Variants in KIAA0825 observed in about 807,000 individuals in gnomAD.
KIAA0825 encodes KIAA0825, also known as uncharacterized protein KIAA0825.
KIAA0825 carries 119 observed loss-of-function variants against 147.6 expected under a neutral mutation model. The ratio of observed to expected loss-of-function variants is 0.81; its 90% CI spans 0.69 to 0.94. KIAA0825 has a LOEUF of 0.94. KIAA0825 is among the 40% of genes least tolerant of loss of function. The pLI is 0.00. For synonymous variants in KIAA0825, 470 were observed against 518.1 expected (o/e 0.91, Z 1.26); for missense variants, 1,381 against 1,472.7 (o/e 0.94, Z 1.02).
intron 20 of KIAA0825, among the ~76,000 whole-genome samples, chr5:94,233,987 T>G (rs564699354): frequency 1.3e-5 from 2 of 152,362 alleles, no homozygotes; most frequent in African/African-American, 4.8e-5. Flanking sequence ...GACACCATTT[T>G]TCCAACAGCA....
intron 5 of KIAA0825, among the ~76,000 whole-genome samples, chr5:94,486,518 T>C: frequency 6.6e-6 from 1 of 152,072 alleles, no homozygotes; most frequent in Non-Finnish European, 1.5e-5. Flanking sequence ...GACTGTAAAA[T>C]TTAGTACTGT....
At chr5:94,374,368 G>C (rs751983644) in intron 20 of KIAA0825, among the ~76,000 whole-genome samples, 4 of 152,052 alleles carry the variant, frequency 2.6e-5, no homozygotes, top group Non-Finnish European at 5.9e-5. Context: ...AAGTAATGGA[G>C]ACCTTTATTT....
chr5:94,426,531 G>T (rs1387558060), intron 14 of KIAA0825, among the ~76,000 whole-genome samples: 1 of 152,128 alleles, frequency 6.6e-6, no homozygotes, highest in Non-Finnish European at 1.5e-5. Flanking sequence ...AGAATAAACC[G>T]ATAGAAACCA....
At chr5:94,284,268 G>A (rs1019386640) in intron 20 of KIAA0825, among the ~76,000 whole-genome samples, 4 of 152,060 alleles carry the variant, frequency 2.6e-5, no homozygotes, top group African/African-American at 9.6e-5. Flanking sequence ...TATTAAAGGT[G>A]CCACTTTGAC....
rs190070206 is a variant in KIAA0825, at chr5:94,331,604, T to C, written c.3710+52764A>G. Among the ~76,000 whole-genome samples the C allele has an allele frequency of 2.1e-4, 32 of 152,302 alleles. No individual in the cohort carries two copies. In the East Asian group the frequency reaches 5.2e-3, roughly 25 times the overall value. On this transcript the variant is annotated intron_variant, in intron 20 of 20. Transcript: ENST00000682413. ...GTATTAAAACCAGACGAAGACATTATAAGAAAGCTACATGCAGGTATCTTT... is the reference window on the plus strand; with the variant it reads ...GTATTAAAACCAGACGAAGACATTACAAGAAAGCTACATGCAGGTATCTTT...
At chr5:94,404,632 A>G (rs1196504996) in intron 15 of KIAA0825, among the ~76,000 whole-genome samples, 1 of 152,172 alleles carries the variant, frequency 6.6e-6, no homozygotes, top group African/African-American at 2.4e-5. Flanking sequence ...CCAAAATATT[A>G]ATTCTTCATT....
intron 20 of KIAA0825, among the ~76,000 whole-genome samples, chr5:94,159,541 T>TATCA (rs1166848310): frequency 1.3e-5 from 2 of 152,318 alleles, no homozygotes; most frequent in Admixed American, 1.3e-4. Flanking sequence ...TTATCTTTTC[T>TATCA]ATCAATCAAT....
chr5:94,552,143 CTTCAAG>C (rs149845273), intron 2 of KIAA0825, among the ~76,000 whole-genome samples: 10 of 152,016 alleles, frequency 6.6e-5, no homozygotes, highest in African/African-American at 2.4e-4. Flanking sequence ...GATAAAAATA[CTTCAAG>C]TAAAAACTCT....
rs755186075 is a variant in KIAA0825, at chr5:94,395,988, G to T, written c.3296+113C>A. 77 of 996,256 alleles carry T rather than the reference G, an allele frequency of 7.7e-5. 1 individual carries two copies. Among genetic ancestry groups the T allele is most frequent in the Admixed American group, 2.2e-4 (6 of 27,424 alleles). The allele number at this position is 996,256 out of a possible 1,614,324, so 61.7% of individuals were successfully genotyped here. ...TTTTTATATTCATCAAAGCTGCCATGAATTTAGCAAAATACTACTGCTGCC... is the reference window on the plus strand; with the variant it reads ...TTTTTATATTCATCAAAGCTGCCATTAATTTAGCAAAATACTACTGCTGCC... On this transcript the variant is annotated intron_variant, in intron 17 of 20. Transcript: ENST00000682413.
chr5:94,402,129 C>T (rs531748823), intron 16 of KIAA0825, among the ~76,000 whole-genome samples: 3 of 152,010 alleles, frequency 2.0e-5, no homozygotes, highest in Non-Finnish European at 2.9e-5. Flanking sequence ...TACTTTTACT[C>T]GGAATGAGCA....
chr5:94,498,130 T>C (rs150228147), intron 5 of KIAA0825, among the ~76,000 whole-genome samples: 390 of 152,334 alleles, frequency 2.6e-3, no homozygotes, highest in African/African-American at 8.7e-3. Context: ...TCAAAAGACT[T>C]TAACAGCTAC....
intron 16 of KIAA0825, among the ~76,000 whole-genome samples, chr5:94,399,666 A>G (rs886484842): frequency 6.6e-6 from 1 of 152,090 alleles, no homozygotes; most frequent in Admixed American, 6.6e-5. Context: ...AGCCGTATAT[A>G]TGTAACATAT....
chr5:94,274,845 G>A (rs867435332), intron 20 of KIAA0825, among the ~76,000 whole-genome samples: 5 of 152,090 alleles, frequency 3.3e-5, no homozygotes, highest in South Asian at 4.1e-4. Context: ...AAGAGAAACC[G>A]AGGCCTTAGA....
At chr5:94,180,918 G>T (rs1033759243) in intron 20 of KIAA0825, among the ~76,000 whole-genome samples, 1 of 151,864 alleles carries the variant, frequency 6.6e-6, no homozygotes, top group African/African-American at 2.4e-5. Context: ...TGGGCTCTCT[G>T]GGTTATTCAT....
chr5:94,227,652 A>G (rs1033114908), intron 20 of KIAA0825, among the ~76,000 whole-genome samples: 5 of 152,044 alleles, frequency 3.3e-5, no homozygotes, highest in Admixed American at 3.3e-4. Flanking sequence ...CATAAAAAAG[A>G]TGAGTTCATG....
chr5:94,543,325 C>T (rs1185771462), intron 2 of KIAA0825, among the ~76,000 whole-genome samples: 3 of 152,158 alleles, frequency 2.0e-5, no homozygotes, highest in African/African-American at 7.2e-5. Flanking sequence ...TGCCTGTAAT[C>T]CCAGCTACTC....
chr5:94,285,323 A>T (rs1777621546), intron 20 of KIAA0825, among the ~76,000 whole-genome samples: 1 of 152,046 alleles, frequency 6.6e-6, no homozygotes, highest in Non-Finnish European at 1.5e-5. Flanking sequence ...ACAAATAATT[A>T]TTTTTTTTAA....
intron 20 of KIAA0825, among the ~76,000 whole-genome samples, chr5:94,281,291 A>C (rs1274131490): frequency 3.9e-5 from 6 of 152,024 alleles, no homozygotes; most frequent in Admixed American, 3.3e-4. Context: ...TTTAAAGTAT[A>C]GACATAAATA....
chr5:94,613,982 A>G (rs1261926168), intron 1 of KIAA0825, among the ~76,000 whole-genome samples: 1 of 152,236 alleles, frequency 6.6e-6, no homozygotes, highest in Admixed American at 6.5e-5. Context: ...TCCTTCTACA[A>G]ATTGTAATAA....
Sources: gnomAD v4.1 joint callset for allele counts (sites outside exome capture counted in the v4.1 genomes callset) on GRCh38, gnomAD v4.1.1 for gene constraint, MANE v1.5 for transcripts, NCBI Gene and HGNC (gene_info 2026-07-23, HGNC 2026-07-21) for gene names.